Variants in PGAP3 observed in about 807,000 individuals in gnomAD.
The protein encoded by PGAP3 is post-GPI attachment to proteins phospholipase 3.
PGAP3 carries 31 observed loss-of-function variants against 40.3 expected under a neutral mutation model. The observed-to-expected ratio is 0.77, with a 90% confidence interval of 0.58 to 1.04. The LOEUF (loss-of-function observed/expected upper bound fraction) is 1.04. Ranked by LOEUF, PGAP3 falls within the 50% of genes least tolerant of loss-of-function variation. The probability of loss-of-function intolerance (pLI) is 0.00; values close to 1 mark genes in which losing one functional copy is unlikely to be tolerated. For missense variants in PGAP3, 413 were observed against 423.0 expected, an observed-to-expected ratio of 0.98 and a Z score of 0.21; for synonymous variants, 191 against 184.5, an observed-to-expected ratio of 1.04 and a Z score of -0.29.
chr17:39,683,388 C>T (rs573330740), intron 3 of PGAP3, among the ~76,000 whole-genome samples: 11 of 152,342 alleles, frequency 7.2e-5, no homozygotes, highest in Admixed American at 6.5e-4. Flanking sequence ...TCCCTGATGG[C>T]CCCATGCTGG....
chr17:39,675,997 G>A (rs1372971619), intron 3 of PGAP3, among the ~76,000 whole-genome samples: 2 of 152,296 alleles, frequency 1.3e-5, no homozygotes, highest in Non-Finnish European at 1.5e-5. Flanking sequence ...CTGGCGTTAG[G>A]TGGTGTGGTC....
chr17:39,679,068 C>A (rs2057408748), intron 3 of PGAP3, among the ~76,000 whole-genome samples: 2 of 152,150 alleles, frequency 1.3e-5, no homozygotes, highest in South Asian at 4.1e-4. Context: ...AATTCAGCCT[C>A]CCGAGTAGCT....
chr17:39,678,612 G>A (rs994054430), intron 3 of PGAP3, among the ~76,000 whole-genome samples: 7 of 152,180 alleles, frequency 4.6e-5, no homozygotes, highest in African/African-American at 7.2e-5. Context: ...GACTTAGCCC[G>A]GAGCGGGTGA....
intron 5 of PGAP3, 92 bp downstream of exon 5, chr17:39,673,901 A>T: frequency 6.9e-7 from 1 of 1,442,570 alleles, no homozygotes; most frequent in South Asian, 1.2e-5. Flanking sequence ...GTGTTGGGAG[A>T]CTAGTGAAGA....
In PGAP3 at chr17:39,688,030, C is replaced by T. The variant is rs1017397801; in HGVS notation, c.-16G>A. ...GGCCGGCCATCCTTTCTCCCTGGCT[C>T]GCCGCCGGGGGAGGAGCTTAGGAGT... On this transcript the variant is annotated 5_prime_UTR_variant, in exon 1 of 8. Coordinates refer to ENST00000300658, the MANE Select transcript of PGAP3 (RefSeq NM_033419.5). 16 of 1,378,524 alleles carry T rather than the reference C, an allele frequency of 1.2e-5. No individual in the cohort carries two copies. The East Asian group carries it at 4.4e-4, about 38-fold the overall frequency. 85.4% of individuals were successfully genotyped at this position (1,378,524 alleles called of 1,614,324 possible). A position where few individuals can be genotyped will look rare whatever the true frequency, so the allele number is the denominator to read the frequency against.
At chr17:39,679,013 G>A (rs1159405179) in intron 3 of PGAP3, among the ~76,000 whole-genome samples, 1 of 152,054 alleles carries the variant, frequency 6.6e-6, no homozygotes, top group Non-Finnish European at 1.5e-5. Flanking sequence ...GGAGTGCAGT[G>A]GCGCCACCTT....
chr17:39,672,758 G>C lies in PGAP3; in HGVS notation c.*45C>G, dbSNP rs759043410. 6 of 1,574,682 alleles carry C rather than the reference G, an allele frequency of 3.8e-6. No individual in the cohort carries two copies. In the East Asian group the frequency reaches 6.7e-5, roughly 18 times the overall value. On this transcript the variant is annotated 3_prime_UTR_variant, in exon 8 of 8. Transcript: ENST00000300658. Reference sequence around the variant, plus strand: ...GTTGAGGGGAGAAGGGAGGCCAGCAGGGCGGGGGCAGGATCCCCACTGGGG... The same window carrying C: ...GTTGAGGGGAGAAGGGAGGCCAGCACGGCGGGGGCAGGATCCCCACTGGGG...
chr17:39,673,471 A>C, intron 6 of PGAP3, 43 bp downstream of exon 6: 3 of 1,612,720 alleles, frequency 1.9e-6, no homozygotes, highest in East Asian at 4.5e-5. Flanking sequence ...TCGCACCCCA[A>C]GCTAGCACTT....
intron 3 of PGAP3, among the ~76,000 whole-genome samples, chr17:39,682,150 C>T (rs112178009): frequency 9.4e-5 from 13 of 138,828 alleles, no homozygotes; most frequent in African/African-American, 1.9e-4. Context: ...GGCGTGAACC[C>T]GGAAGGCAGA....
intron 1 of PGAP3, among the ~76,000 whole-genome samples, chr17:39,686,986 T>C (rs899518588): frequency 6.6e-6 from 1 of 152,178 alleles, no homozygotes; most frequent in African/African-American, 2.4e-5. Flanking sequence ...ACCTGACTTT[T>C]GAGGCTCCAA....
At position 39,673,267 on chromosome 17, in the gene PGAP3, T is replaced by C. The variant is rs781459576; in HGVS notation, c.695-12A>G. 5.8e-6 allele frequency: 9 copies of C among 1,556,470 alleles called. No individual in the cohort carries two copies. In the East Asian group the frequency reaches 2.2e-4, roughly 38 times the overall value. On this transcript the variant is annotated splice_polypyrimidine_tract_variant and intron_variant, in intron 6 of 7. Coordinates refer to ENST00000300658, the MANE Select transcript of PGAP3 (RefSeq NM_033419.5). ...CACGTTGACCAGGCCTGGGTGCCAG[T>C]GGGGGCAGGAGAGACTCATTCCTTC...
chr17:39,686,538 G>C (rs925111584), intron 1 of PGAP3, among the ~76,000 whole-genome samples: 1 of 149,288 alleles, frequency 6.7e-6, no homozygotes, highest in East Asian at 2.0e-4. Flanking sequence ...TTGCAGGCAC[G>C]AGCCACCGCA....
At chr17:39,675,789 C>T (rs1370320264) in intron 3 of PGAP3, among the ~76,000 whole-genome samples, 4 of 152,116 alleles carry the variant, frequency 2.6e-5, no homozygotes, top group Admixed American at 2.6e-4. Flanking sequence ...GGCAGAACTG[C>T]TGCACAGCCA....
Position 39,685,972 on chromosome 17 carries a change from C to T in PGAP3, c.229G>A (p.Val77Ile), listed in dbSNP as rs367729979. Residue 77 changes from valine to isoleucine, a missense_variant, in exon 2 of 8, where the codon GTT becomes ATT. Coordinates refer to ENST00000300658, the MANE Select transcript of PGAP3 (RefSeq NM_033419.5). ...DCKYECMWVT[V>I]GLYLQEGHKV... ...TGACCTTCCTGGAGGTAGAGCCCAA[C>T]GGTGACCCACATACACTCATACTTA... 1.7e-5 allele frequency: 28 copies of T among 1,613,258 alleles called. No homozygotes were observed. Among genetic ancestry groups the T allele is most frequent in the East Asian group, 2.2e-5 (1 of 44,858 alleles).
intron 3 of PGAP3, among the ~76,000 whole-genome samples, chr17:39,676,422 A>G (rs2057375727): frequency 6.6e-6 from 1 of 152,108 alleles, no homozygotes; most frequent in Non-Finnish European, 1.5e-5. Context: ...AGAACACCGA[A>G]AGCAGGGGGT....
chr17:39,672,975 A>G, intron 7 of PGAP3, 76 bp downstream of exon 7: 1 of 1,573,480 alleles, frequency 6.4e-7, no homozygotes, highest in South Asian at 1.1e-5. Flanking sequence ...GGGCACACAG[A>G]GCCCCCAATC....
intron 3 of PGAP3, among the ~76,000 whole-genome samples, chr17:39,683,684 G>A (rs1041628827): frequency 2.0e-5 from 3 of 152,094 alleles, no homozygotes; most frequent in Non-Finnish European, 2.9e-5. Context: ...AGGCCGTCAC[G>A]GTCCATATCT....
At position 39,673,268 on chromosome 17, in the gene PGAP3, G is replaced by T. The variant is rs746056551; in HGVS notation, c.695-13C>A. ...ACGTTGACCAGGCCTGGGTGCCAGTGGGGGCAGGAGAGACTCATTCCTTCG... is the reference window on the plus strand; with the variant it reads ...ACGTTGACCAGGCCTGGGTGCCAGTTGGGGCAGGAGAGACTCATTCCTTCG... On this transcript the variant is annotated splice_polypyrimidine_tract_variant and intron_variant, in intron 6 of 7. Coordinates refer to ENST00000300658, the MANE Select transcript of PGAP3 (RefSeq NM_033419.5). 49 of 1,555,802 alleles carry T rather than the reference G, an allele frequency of 3.1e-5. No homozygotes were observed. The South Asian group carries it at 5.8e-4, about 18-fold the overall frequency.
At chr17:39,676,497 AC>A (rs2057377246) in intron 3 of PGAP3, 1 of 152,050 alleles carries the variant, frequency 6.6e-6, no homozygotes, top group African/African-American at 2.4e-5. Flanking sequence ...CCCCTCTCCA[AC>A]CGCCTCCCTG....
Sources: allele counts gnomAD v4.1 joint callset (sites outside exome capture counted in the v4.1 genomes callset), GRCh38; gene constraint gnomAD v4.1.1; transcripts MANE v1.5; gene names NCBI Gene and HGNC (gene_info 2026-07-23, HGNC 2026-07-21).